Variants in SLC24A2 observed in about 807,000 individuals in gnomAD.
SLC24A2 encodes the protein solute carrier family 24 member 2, also known as sodium/potassium/calcium exchanger 2.
A neutral mutation model predicts 62.0 loss-of-function variants in SLC24A2; 36 were observed. That is an observed-to-expected ratio of 0.58 (90% CI 0.44 to 0.77). The LOEUF (loss-of-function observed/expected upper bound fraction) is 0.77. Ranked by LOEUF, SLC24A2 falls within the 30% of genes least tolerant of loss-of-function variation. The pLI, the probability that SLC24A2 is intolerant of heterozygous loss-of-function variation, is 0.00. For synonymous variants in SLC24A2, 358 were observed against 294.0 expected, an observed-to-expected ratio of 1.22 and a Z score of -2.23; for missense variants, 846 against 817.9, an observed-to-expected ratio of 1.03 and a Z score of -0.42.
the SLC24A2 span, among the ~76,000 whole-genome samples, chr9:20,128,235 C>T: frequency 2.2e-4 from 34 of 152,138 alleles, no homozygotes; most frequent in African/African-American, 7.7e-4. Context: ...CTTCTCTTCT[C>T]TGTCCATCAT....
the SLC24A2 span, among the ~76,000 whole-genome samples, chr9:20,055,101 G>A: frequency 1.3e-5 from 2 of 152,294 alleles, no homozygotes; most frequent in South Asian, 2.1e-4. Context: ...GTATAGTTAT[G>A]AGCATTCAGA....
chr9:20,269,711 T>C, the SLC24A2 span, among the ~76,000 whole-genome samples: 3 of 152,180 alleles, frequency 2.0e-5, no homozygotes, highest in Non-Finnish European at 2.9e-5. Flanking sequence ...AGGCTTACCT[T>C]CTGGTAGTCA....
At chr9:20,278,595 T>C in the SLC24A2 span, among the ~76,000 whole-genome samples, 1 of 152,234 alleles carries the variant, frequency 6.6e-6, no homozygotes, top group East Asian at 1.9e-4. Context: ...CACCTCAGCC[T>C]GGACTTTATT....
chr9:20,291,638 C>T, the SLC24A2 span, among the ~76,000 whole-genome samples: 3 of 152,182 alleles, frequency 2.0e-5, no homozygotes, highest in South Asian at 6.2e-4. Context: ...ATTTGCTCAT[C>T]GTGGCCTCCA....
intron 2 of SLC24A2, among the ~76,000 whole-genome samples, chr9:19,760,404 C>T (rs2118848143): frequency 6.6e-6 from 1 of 152,210 alleles, no homozygotes; most frequent in East Asian, 1.9e-4. Flanking sequence ...TTCTGGGATA[C>T]ATGTGCAGAA....
chr9:19,949,285 C>A, the SLC24A2 span, among the ~76,000 whole-genome samples: 1 of 151,818 alleles, frequency 6.6e-6, no homozygotes, highest in African/African-American at 2.4e-5. Context: ...TGAGCCACTG[C>A]GCCTGGCCCC....
intron 8 of SLC24A2, among the ~76,000 whole-genome samples, chr9:19,535,934 G>A (rs1833948994): frequency 6.6e-6 from 1 of 152,092 alleles, no homozygotes; most frequent in Non-Finnish European, 1.5e-5. Context: ...ACTTTGGAAA[G>A]TATGGCCATT....
upstream of SLC24A2, among the ~76,000 whole-genome samples, chr9:19,792,037 G>A (rs565652306): frequency 2.2e-4 from 34 of 152,270 alleles, no homozygotes; most frequent in South Asian, 7.1e-3. Context: ...AAATCACTAG[G>A]TCATACCTAA....
chr9:20,056,269 T>G, the SLC24A2 span, among the ~76,000 whole-genome samples: 1 of 152,164 alleles, frequency 6.6e-6, no homozygotes, highest in Non-Finnish European at 1.5e-5. Context: ...GATGGCTGTA[T>G]AGAAGACTAT....
chr9:20,048,893 C>A, the SLC24A2 span, among the ~76,000 whole-genome samples: 1 of 151,332 alleles, frequency 6.6e-6, no homozygotes, highest in Admixed American at 6.6e-5. Flanking sequence ...TTCTTCTTTC[C>A]GCTTTTTTTC....
At chr9:20,218,489 T>C in the SLC24A2 span, among the ~76,000 whole-genome samples, 34 of 152,154 alleles carry the variant, frequency 2.2e-4, no homozygotes, top group African/African-American at 7.5e-4. Flanking sequence ...TTGGGAGCAC[T>C]AAAACCCACC....
chr9:20,189,078 T>TC, the SLC24A2 span, among the ~76,000 whole-genome samples: 1 of 100,408 alleles, frequency 1.0e-5, no homozygotes, highest in East Asian at 7.0e-4. Context: ...TTTTTTTTCT[T>TC]TTTTTTTTTT....
At chr9:20,094,217 G>A in the SLC24A2 span, among the ~76,000 whole-genome samples, 5 of 152,264 alleles carry the variant, frequency 3.3e-5, no homozygotes, top group Non-Finnish European at 5.9e-5. Flanking sequence ...TCACATCACA[G>A]AAGAATGACT....
At chr9:19,554,723 T>A (rs1333752750) in intron 7 of SLC24A2, among the ~76,000 whole-genome samples, 1 of 152,184 alleles carries the variant, frequency 6.6e-6, no homozygotes, top group East Asian at 1.9e-4. Context: ...CCTTCCTCTT[T>A]CTTGCTGGCT....
At chr9:19,879,855 A>G in the SLC24A2 span, among the ~76,000 whole-genome samples, 2 of 152,186 alleles carry the variant, frequency 1.3e-5, no homozygotes, top group African/African-American at 4.8e-5. Flanking sequence ...TAGCAAGTAA[A>G]TAATAATGTC....
chr9:20,073,554 T>C, the SLC24A2 span, among the ~76,000 whole-genome samples: 5 of 152,136 alleles, frequency 3.3e-5, no homozygotes, highest in African/African-American at 4.8e-5. Flanking sequence ...GGGGACCATA[T>C]CTTAGAGTTT....
intron 2 of SLC24A2, among the ~76,000 whole-genome samples, chr9:19,744,985 C>A (rs943273952): frequency 6.6e-6 from 1 of 152,150 alleles, no homozygotes. Flanking sequence ...ATTTGTCATC[C>A]AAATCTCCTG....
At chr9:20,078,071 T>A in the SLC24A2 span, among the ~76,000 whole-genome samples, 3 of 149,996 alleles carry the variant, frequency 2.0e-5, no homozygotes, top group Non-Finnish European at 3.0e-5. Context: ...TACTTTCTGG[T>A]ACTGGTTTAC....
chr9:19,664,212 G>A (rs974241596), intron 2 of SLC24A2, among the ~76,000 whole-genome samples: 2 of 152,214 alleles, frequency 1.3e-5, no homozygotes, highest in African/African-American at 4.8e-5. Flanking sequence ...GCATGTAGGA[G>A]TCAGAATCAA....
Sources: allele counts gnomAD v4.1 joint callset (sites outside exome capture counted in the v4.1 genomes callset), GRCh38; gene constraint gnomAD v4.1.1; transcripts MANE v1.5; gene names NCBI Gene and HGNC (gene_info 2026-07-23, HGNC 2026-07-21).